ONECUT1: variants seen among roughly 807,000 people sequenced by gnomAD.
The protein encoded by ONECUT1 is one cut homeobox 1.
A neutral mutation model predicts 25.6 loss-of-function variants in ONECUT1; 12 were observed. The observed-to-expected ratio is 0.47, with a 90% confidence interval of 0.30 to 0.76. ONECUT1 has a LOEUF of 0.76. Ranked by LOEUF, ONECUT1 falls within the 30% of genes least tolerant of loss-of-function variation. ONECUT1 has a pLI of 0.07. For synonymous variants in ONECUT1, 285 were observed against 270.2 expected, an observed-to-expected ratio of 1.05 and a Z score of -0.54; for missense variants, 620 against 651.2, an observed-to-expected ratio of 0.95 and a Z score of 0.52.
At chr15:52,777,731 C>CAAAAAAAAAAA (rs1370694948) in intron 1 of ONECUT1, among the ~76,000 whole-genome samples, 4 of 84,238 alleles carry the variant, frequency 4.7e-5, no homozygotes, top group South Asian at 7.9e-4. Flanking sequence ...CACACACACA[C>CAAAAAAAAAAA]ACACACAAAA....
chr15:52,780,460 T>A, intron 1 of ONECUT1: 1 of 808,276 alleles, frequency 1.2e-6, no homozygotes, highest in South Asian at 2.0e-5. Flanking sequence ...ACTTTCTTTC[T>A]GAGTCCTTAG....
chr15:52,780,631 G>T, intron 1 of ONECUT1: 1 of 1,535,282 alleles, frequency 6.5e-7, no homozygotes, highest in Non-Finnish European at 8.7e-7. Flanking sequence ...ATCAATACTC[G>T]AATCGCTTTA....
chr15:52,776,884 CTTCTCAGACTTTAATGGACA>C (rs1380581116), intron 1 of ONECUT1, among the ~76,000 whole-genome samples: 2 of 152,170 alleles, frequency 1.3e-5, no homozygotes, highest in African/African-American at 4.8e-5. Flanking sequence ...ATCAGTGGTG[CTTCTCAGACTTTAATGGACA>C]CAAGAATTTC....
At position 52,783,359 on chromosome 15, in the gene ONECUT1, A is replaced by G. The variant is rs961710384; in HGVS notation, c.1105+5421T>C. On this transcript the variant is annotated intron_variant, in intron 1 of 1. Coordinates refer to ENST00000305901, the MANE Select transcript of ONECUT1 (RefSeq NM_004498.4). Reference sequence around the variant, plus strand: ...TTCGATTACCTCAGTGTGCCAGTGTATATTCCCGGCTGGGCCTAGCGCCCT... The same window carrying G: ...TTCGATTACCTCAGTGTGCCAGTGTGTATTCCCGGCTGGGCCTAGCGCCCT... Among the ~76,000 whole-genome samples, 6 of 152,248 alleles carry G rather than the reference A, an allele frequency of 3.9e-5. No individual in the cohort carries two copies. In the South Asian group the frequency reaches 6.2e-4, roughly 16 times the overall value.
At chr15:52,758,375 G>A (rs1325968038) in intron 1 of ONECUT1, among the ~76,000 whole-genome samples, 1 of 152,176 alleles carries the variant, frequency 6.6e-6, no homozygotes, top group East Asian at 1.9e-4. Context: ...TAAAAACATA[G>A]TAGAAAGGAA....
At chr15:52,774,288 GTTATTTAT>G (rs369887471) in intron 1 of ONECUT1, among the ~76,000 whole-genome samples, 1 of 150,004 alleles carries the variant, frequency 6.7e-6, no homozygotes, top group African/African-American at 2.4e-5. Context: ...AAGAAATGAA[GTTATTTAT>G]TTATTTATTT....
intron 1 of ONECUT1, among the ~76,000 whole-genome samples, chr15:52,758,910 C>A (rs964178928): frequency 2.2e-4 from 34 of 152,136 alleles, no homozygotes; most frequent in African/African-American, 8.0e-4. Flanking sequence ...CAATCTCCAC[C>A]ATCAATCAAT....
intron 1 of ONECUT1, among the ~76,000 whole-genome samples, chr15:52,763,730 G>A (rs1183758843): frequency 6.6e-6 from 1 of 152,152 alleles, no homozygotes; most frequent in South Asian, 2.1e-4. Context: ...GTGATCCTTA[G>A]AACAGTTTCT....
intron 1 of ONECUT1, among the ~76,000 whole-genome samples, chr15:52,773,882 G>A (rs769027277): frequency 9.9e-5 from 15 of 152,150 alleles, no homozygotes; most frequent in Non-Finnish European, 1.0e-4. Flanking sequence ...GATAATGAGA[G>A]AGAAGGAAGG....
intron 1 of ONECUT1, among the ~76,000 whole-genome samples, chr15:52,766,831 TG>T (rs1264626858): frequency 7.2e-5 from 11 of 152,198 alleles, no homozygotes; most frequent in Non-Finnish European, 1.2e-4. Flanking sequence ...CTAGCAGAGC[TG>T]TCCAGGACAG....
chr15:52,757,426 A>G lies in ONECUT1; in HGVS notation c.*129T>C. On this transcript the variant is annotated 3_prime_UTR_variant, in exon 2 of 2. Coordinates refer to ENST00000305901, the MANE Select transcript of ONECUT1 (RefSeq NM_004498.4). Reference sequence around the variant, plus strand: ...TGAGCTAAGTCTTTGGTTTCTTTGGACTATAAATAACGCTTTTTTTTCTTC... The same window carrying G: ...TGAGCTAAGTCTTTGGTTTCTTTGGGCTATAAATAACGCTTTTTTTTCTTC... The G allele has an allele frequency of 1.9e-6, 2 of 1,064,684 alleles. No homozygotes were observed. Among genetic ancestry groups the G allele is most frequent in the South Asian group, 1.7e-5 (1 of 58,016 alleles). 66.0% of individuals were successfully genotyped at this position (1,064,684 alleles called of 1,614,324 possible). A position where few individuals can be genotyped will look rare whatever the true frequency, so the allele number is the denominator to read the frequency against.
At chr15:52,758,857 C>G (rs1244829270) in intron 1 of ONECUT1, among the ~76,000 whole-genome samples, 1 of 152,158 alleles carries the variant, frequency 6.6e-6, no homozygotes, top group Non-Finnish European at 1.5e-5. Context: ...TGCTAGAGGA[C>G]TATCAAGGCT....
intron 1 of ONECUT1, among the ~76,000 whole-genome samples, chr15:52,763,534 C>T (rs2083717721): frequency 6.6e-6 from 1 of 152,204 alleles, no homozygotes; most frequent in Non-Finnish European, 1.5e-5. Flanking sequence ...ATTTTGTGAA[C>T]AATGAGTTGT....
chr15:52,772,778 TCCACA>T (rs1160480551), intron 1 of ONECUT1, among the ~76,000 whole-genome samples: 1 of 152,196 alleles, frequency 6.6e-6, no homozygotes, highest in Non-Finnish European at 1.5e-5. Context: ...TTTCTGCAGC[TCCACA>T]CCCATGCTGT....
chr15:52,788,922 G>A lies in ONECUT1; in HGVS notation c.963C>T (p.Cys321=), dbSNP rs369876230. The part of the protein sequence containing the change: ...PQAIFAQRVL[C]RSQGTLSDLL... ...GGTCCGAGAGGGTCCCCTGGGAGCG[G>A]CAGAGCACCCTCTGCGCGAAGATGG... Residue 321 remains cysteine, a synonymous_variant, in exon 1 of 2, where the codon TGC becomes TGT. Transcript: ENST00000305901. The surrounding 1 kb of genome is among the most constrained non-coding windows in gnomAD (Gnocchi z 4.3). 3.1e-6 allele frequency: 5 copies of A among 1,613,938 alleles called. No individual in the cohort carries two copies. The African/African-American group carries it at 4.0e-5, about 13-fold the overall frequency.
intron 1 of ONECUT1, among the ~76,000 whole-genome samples, chr15:52,777,836 C>A (rs768858830): frequency 2.0e-5 from 3 of 152,074 alleles, no homozygotes; most frequent in Non-Finnish European, 4.4e-5. Flanking sequence ...GAGCACGGAA[C>A]TTGCTACAGC....
chr15:52,783,444 A>C (rs564689063), intron 1 of ONECUT1, among the ~76,000 whole-genome samples: 46 of 152,372 alleles, frequency 3.0e-4, no homozygotes, highest in African/African-American at 8.2e-4. Flanking sequence ...TCCCAAAGAC[A>C]TTCTATCTGC....
At chr15:52,771,190 T>A (rs1288740546) in intron 1 of ONECUT1, among the ~76,000 whole-genome samples, 1 of 152,046 alleles carries the variant, frequency 6.6e-6, no homozygotes. Context: ...TATGGTAAAT[T>A]TGTGTGTGCA....
At chr15:52,762,505 C>T (rs1020602412) in intron 1 of ONECUT1, among the ~76,000 whole-genome samples, 1 of 152,126 alleles carries the variant, frequency 6.6e-6, no homozygotes, top group Non-Finnish European at 1.5e-5. Flanking sequence ...AGTTCCTGCC[C>T]TGGGACCTCA....
Sources: gnomAD v4.1 joint callset for allele counts (sites outside exome capture counted in the v4.1 genomes callset) on GRCh38, gnomAD v4.1.1 for gene constraint, Gnocchi (gnomAD v3.1) non-coding constraint, MANE v1.5 for transcripts, NCBI Gene and HGNC (gene_info 2026-07-23, HGNC 2026-07-21) for gene names.